Variants in INPP5A observed in about 807,000 individuals in gnomAD.
INPP5A encodes 43 kDa inositol polyphosphate 5-phophatase.
INPP5A carries 14 observed loss-of-function variants against 65.2 expected under a neutral mutation model. That is an observed-to-expected ratio of 0.21 (90% CI 0.14 to 0.34). INPP5A has a LOEUF of 0.34. Among genes scored for constraint, INPP5A ranks in the 10% least tolerant of loss-of-function variants. The pLI is 1.00. For missense variants in INPP5A, 431 were observed against 545.6 expected (o/e 0.79, Z 2.09); for synonymous variants, 207 against 208.3 (o/e 0.99, Z 0.05).
intron 3 of INPP5A, among the ~76,000 whole-genome samples, chr10:132,649,497 C>T (rs980153975): frequency 1.3e-5 from 2 of 152,204 alleles, no homozygotes; most frequent in African/African-American, 2.4e-5. Context: ...TCCTTTAAAG[C>T]GTGTTGAAGG....
At chr10:132,755,459 CGAGT>C (rs757220207) in intron 11 of INPP5A, among the ~76,000 whole-genome samples, 1 of 122,706 alleles carries the variant, frequency 8.1e-6, no homozygotes, top group African/African-American at 3.2e-5. Context: ...CAGGTGTGAG[CGAGT>C]GTGTGTGAGC....
chr10:132,726,078 C>G (rs1271189432), intron 8 of INPP5A, among the ~76,000 whole-genome samples: 1 of 152,034 alleles, frequency 6.6e-6, no homozygotes, highest in Non-Finnish European at 1.5e-5. Context: ...TTTCTGAGAT[C>G]TTTTTACAGG....
In INPP5A at chr10:132,697,679, C is replaced by A; in HGVS notation, c.371-137C>A. Reference sequence around the variant, plus strand: ...GCTGGGGGTCTGTTCTGGGTCGGACCCCTCATCAGGGCCTCCTCTCGGGGG... The same window carrying A: ...GCTGGGGGTCTGTTCTGGGTCGGACACCTCATCAGGGCCTCCTCTCGGGGG... On this transcript the variant is annotated intron_variant, in intron 5 of 15. Transcript: ENST00000368594. The surrounding 1 kb of genome is among the most constrained non-coding windows in gnomAD (Gnocchi z 5.6). The A allele has an allele frequency of 3.1e-6, 2 of 637,832 alleles. No homozygotes were observed. The highest frequency in any genetic ancestry group is 2.8e-6 in the Non-Finnish European group (1 of 354,142). The allele number at this position is 637,832 out of a possible 1,614,324, so 39.5% of individuals were successfully genotyped here.
In INPP5A at chr10:132,674,336, A is replaced by G. The variant is rs1467612681; in HGVS notation, c.307-16056A>G. Among the ~76,000 whole-genome samples the G allele has an allele frequency of 2.0e-5, 3 of 152,308 alleles. No homozygotes were observed. In the East Asian group the frequency reaches 5.8e-4, roughly 29 times the overall value. ...TTTCTCCTTCCAAGCAGAGTGCACA[A>G]GCGGGTGCACTGCTTGAAGTTCTGC... On this transcript the variant is annotated intron_variant, in intron 4 of 15. Transcript: ENST00000368594. The surrounding 1 kb of genome is among the most constrained non-coding windows in gnomAD (Gnocchi z 4.4).
intron 12 of INPP5A, among the ~76,000 whole-genome samples, chr10:132,769,671 G>A (rs1042264226): frequency 6.6e-6 from 1 of 152,222 alleles, no homozygotes; most frequent in African/African-American, 2.4e-5. Context: ...AGCCCTTAGT[G>A]GTGAGCAGAG....
In INPP5A at chr10:132,712,551, CAT is replaced by C. The variant is rs199651507; in HGVS notation, c.647+2096_647+2097del. ...TGCATTGTGTGTGCACACGTGGACA[CAT>C]GTGAGTGCACTTGTGTGGCTGCATG... On this transcript the variant is annotated intron_variant, in intron 8 of 15. Transcript: ENST00000368594. Among the ~76,000 whole-genome samples, 1,228 of 148,182 alleles carry C rather than the reference CAT, an allele frequency of 8.3e-3. 5 individuals are homozygous for C. Among genetic ancestry groups the C allele is most frequent in the Middle Eastern group, 0.023 (6 of 262 alleles).
At chr10:132,767,807 C>CCA (rs1238280616) in intron 12 of INPP5A, among the ~76,000 whole-genome samples, 1 of 147,796 alleles carries the variant, frequency 6.8e-6, no homozygotes, top group Non-Finnish European at 1.5e-5. Context: ...CCCAGGGTGC[C>CCA]CACGCGCCCA....
intron 8 of INPP5A, among the ~76,000 whole-genome samples, chr10:132,719,497 T>A (rs1255219348): frequency 4.1e-5 from 6 of 147,628 alleles, no homozygotes; most frequent in Admixed American, 6.7e-5. Flanking sequence ...CTGTGGTACC[T>A]GGGTTCTGTC....
At chr10:132,778,931 C>T (rs1428153872) in intron 13 of INPP5A, among the ~76,000 whole-genome samples, 1 of 152,262 alleles carries the variant, frequency 6.6e-6, no homozygotes, top group Non-Finnish European at 1.5e-5. Context: ...CCCTGCTGGC[C>T]TCTGCCATGT....
At chr10:132,541,987 A>T (rs1394866133) in intron 1 of INPP5A, among the ~76,000 whole-genome samples, 2 of 152,172 alleles carry the variant, frequency 1.3e-5, no homozygotes, top group Non-Finnish European at 2.9e-5. Context: ...TCCATATTTA[A>T]TTGTTTTGCT....
intron 2 of INPP5A, among the ~76,000 whole-genome samples, chr10:132,642,531 A>G (rs1241029623): frequency 6.6e-6 from 1 of 152,052 alleles, no homozygotes; most frequent in Non-Finnish European, 1.5e-5. Flanking sequence ...GAATCTGAGG[A>G]CACATCTTTT....
At chr10:132,564,777 A>T (rs530227997) in intron 1 of INPP5A, among the ~76,000 whole-genome samples, 5 of 152,244 alleles carry the variant, frequency 3.3e-5, no homozygotes, top group South Asian at 4.1e-4. Flanking sequence ...CTGGTGGCAG[A>T]TGGGCTCTTC....
intron 6 of INPP5A, among the ~76,000 whole-genome samples, chr10:132,700,672 C>T (rs1845422600): frequency 6.6e-6 from 1 of 152,224 alleles, no homozygotes. Context: ...TGCCTCTGCA[C>T]CCGACCTCTC....
Position 132,680,168 on chromosome 10 carries a change from C to T in INPP5A, c.307-10224C>T, listed in dbSNP as rs72868925. Among the ~76,000 whole-genome samples, 761 of 152,176 alleles carry T rather than the reference C, an allele frequency of 5.0e-3. 4 individuals carry two copies. Among genetic ancestry groups the T allele is most frequent in the Non-Finnish European group, 7.2e-3 (490 of 68,014 alleles). On this transcript the variant is annotated intron_variant, in intron 4 of 15. Coordinates refer to ENST00000368594, the MANE Select transcript of INPP5A (RefSeq NM_005539.5). ...AACATCAACAGAGTAAAAAGGCAACCGTGGAATGGGAGAAAATATTTGCAA... is the reference window on the plus strand; with the variant it reads ...AACATCAACAGAGTAAAAAGGCAACTGTGGAATGGGAGAAAATATTTGCAA...
At chr10:132,772,388 C>T (rs1046849559) in intron 12 of INPP5A, among the ~76,000 whole-genome samples, 2 of 122,920 alleles carry the variant, frequency 1.6e-5, no homozygotes, top group Non-Finnish European at 3.5e-5. Context: ...AGCACTGACA[C>T]GGAGGCCACG....
intron 2 of INPP5A, among the ~76,000 whole-genome samples, chr10:132,620,575 T>G (rs2133359898): frequency 6.6e-6 from 1 of 152,336 alleles, no homozygotes; most frequent in East Asian, 1.9e-4. Flanking sequence ...AGTTCTTTGC[T>G]AAAGCATATC....
In INPP5A at chr10:132,676,041, G is replaced by A. The variant is rs970935966; in HGVS notation, c.307-14351G>A. Among the ~76,000 whole-genome samples, 1 of 152,050 alleles carries A rather than the reference G, an allele frequency of 6.6e-6. No individual in the cohort carries two copies. The highest frequency in any genetic ancestry group is 2.4e-5 in the African/African-American group (1 of 41,372). ...GCAAACTCCTTACATAATTTAATTG[G>A]CATAAAAGTTTATTGATTTACTTGT... On this transcript the variant is annotated intron_variant, in intron 4 of 15. Transcript: ENST00000368594. The surrounding 1 kb of genome is among the most constrained non-coding windows in gnomAD (Gnocchi z 4.0).
chr10:132,738,108 C>A (rs2134610321), intron 9 of INPP5A, among the ~76,000 whole-genome samples: 1 of 152,336 alleles, frequency 6.6e-6, no homozygotes, highest in African/African-American at 2.4e-5. Flanking sequence ...GATTCATAAT[C>A]CGTAGTGTGT....
At chr10:132,682,062 G>T (rs2073054537) in intron 4 of INPP5A, among the ~76,000 whole-genome samples, 1 of 152,168 alleles carries the variant, frequency 6.6e-6, no homozygotes, top group Non-Finnish European at 1.5e-5. Flanking sequence ...AGCGGGAAGG[G>T]GAGAGCGGGA....
Sources: gnomAD v4.1 joint callset for allele counts (sites outside exome capture counted in the v4.1 genomes callset) on GRCh38, gnomAD v4.1.1 for gene constraint, Gnocchi (gnomAD v3.1) non-coding constraint, MANE v1.5 for transcripts, NCBI Gene and HGNC (gene_info 2026-07-23, HGNC 2026-07-21) for gene names.